Variants in NPAS3 observed in about 807,000 individuals in gnomAD.
NPAS3 encodes neuronal PAS domain protein 3.
In NPAS3, 14 loss-of-function variants were observed where a neutral mutation model predicts 73.1. That is an observed-to-expected ratio of 0.19 (90% CI 0.13 to 0.30). NPAS3 has a LOEUF of 0.30. Ranked by LOEUF, NPAS3 falls within the 10% of genes least tolerant of loss-of-function variation. NPAS3 has a pLI of 1.00. For synonymous variants in NPAS3, 620 were observed against 541.5 expected (o/e 1.14, Z -2.01); for missense variants, 1,096 against 1,250.0 (o/e 0.88, Z 1.86).
chr14:33,188,947 T>G (rs1293411128), intron 2 of NPAS3, among the ~76,000 whole-genome samples: 3 of 152,184 alleles, frequency 2.0e-5, no homozygotes, highest in Non-Finnish European at 4.4e-5. Flanking sequence ...TTTCAGAGAT[T>G]TTGAGACAGA....
chr14:33,021,903 G>A (rs1403297594), intron 1 of NPAS3, among the ~76,000 whole-genome samples: 2 of 152,080 alleles, frequency 1.3e-5, no homozygotes, highest in Middle Eastern at 3.2e-3. Flanking sequence ...ACATGTAAAG[G>A]CTATCCCATA....
chr14:33,632,163 C>T (rs1270029979), intron 5 of NPAS3, among the ~76,000 whole-genome samples: 2 of 152,254 alleles, frequency 1.3e-5, no homozygotes, highest in Non-Finnish European at 2.9e-5. Flanking sequence ...TCTTAAAGAA[C>T]TAGTTGGTGA....
intron 1 of NPAS3, among the ~76,000 whole-genome samples, chr14:32,967,504 A>T (rs1427567604): frequency 6.6e-6 from 1 of 152,190 alleles, no homozygotes; most frequent in African/African-American, 2.4e-5. Context: ...TAGAAAAAAA[A>T]TCTGATTAAA....
intron 3 of NPAS3, among the ~76,000 whole-genome samples, chr14:33,280,200 A>T (rs1378189905): frequency 1.3e-5 from 2 of 151,882 alleles, no homozygotes; most frequent in Non-Finnish European, 2.9e-5. Flanking sequence ...CAGTGTAATT[A>T]TAAACATACC....
At chr14:33,287,448 AAG>A (rs1232845210) in intron 3 of NPAS3, among the ~76,000 whole-genome samples, 1 of 152,098 alleles carries the variant, frequency 6.6e-6, no homozygotes, top group Non-Finnish European at 1.5e-5. Flanking sequence ...GGAAGCGAGA[AAG>A]AGAGACTAAC....
intron 6 of NPAS3, among the ~76,000 whole-genome samples, chr14:33,679,872 C>T (rs2059883509): frequency 3.3e-5 from 5 of 152,134 alleles, no homozygotes; most frequent in Admixed American, 3.3e-4. Flanking sequence ...ACAGCAAACC[C>T]AAATAAATAT....
At chr14:33,573,356 C>A (rs911031384) in intron 5 of NPAS3, among the ~76,000 whole-genome samples, 13 of 152,080 alleles carry the variant, frequency 8.5e-5, no homozygotes, top group African/African-American at 2.9e-4. Flanking sequence ...CTGCAAGATG[C>A]CTTAGACATG....
chr14:33,380,743 G>T (rs192543733), intron 4 of NPAS3, among the ~76,000 whole-genome samples: 26 of 152,200 alleles, frequency 1.7e-4, no homozygotes, highest in Admixed American at 1.6e-3. Flanking sequence ...ACTAATGATT[G>T]GACTGCCCTC....
intron 7 of NPAS3, among the ~76,000 whole-genome samples, chr14:33,758,791 T>C (rs773264469): frequency 1.3e-5 from 2 of 152,240 alleles, no homozygotes; most frequent in African/African-American, 2.4e-5. Flanking sequence ...CTGACATATT[T>C]GGATTGACAG....
intron 2 of NPAS3, among the ~76,000 whole-genome samples, chr14:33,163,245 T>C (rs949264468): frequency 2.0e-5 from 3 of 152,254 alleles, no homozygotes; most frequent in Non-Finnish European, 2.9e-5. Flanking sequence ...AGGTTGTCCA[T>C]TGACGACCCT....
At chr14:33,677,814 TTGTTCAGGTGGGCAAGTGATA>T (rs2059811750) in intron 6 of NPAS3, among the ~76,000 whole-genome samples, 1 of 152,222 alleles carries the variant, frequency 6.6e-6, no homozygotes, top group African/African-American at 2.4e-5. Context: ...GAAAATACTT[TTGTTCAGGTGGGCAAGTGATA>T]TATTCTTATA....
At chr14:33,140,810 G>A (rs1198121989) in intron 2 of NPAS3, among the ~76,000 whole-genome samples, 1 of 152,184 alleles carries the variant, frequency 6.6e-6, no homozygotes, top group Non-Finnish European at 1.5e-5. Flanking sequence ...ATGGGAGGGA[G>A]AAGAAAGGTC....
intron 2 of NPAS3, among the ~76,000 whole-genome samples, chr14:33,109,655 A>T (rs1026070325): frequency 2.0e-5 from 3 of 152,082 alleles, no homozygotes; most frequent in Admixed American, 1.3e-4. Flanking sequence ...TTGTGGTGAG[A>T]GTATAATGAT....
intron 2 of NPAS3, among the ~76,000 whole-genome samples, chr14:33,142,844 G>C (rs569750107): frequency 6.6e-6 from 1 of 152,342 alleles, no homozygotes; most frequent in African/African-American, 2.4e-5. Context: ...GCTCACGCCT[G>C]TAATCCCAAC....
At chr14:33,589,392 T>G (rs571577931) in intron 5 of NPAS3, among the ~76,000 whole-genome samples, 1 of 152,270 alleles carries the variant, frequency 6.6e-6, no homozygotes, top group Admixed American at 6.5e-5. Context: ...AAAAAGCACC[T>G]CCCTTCAGAC....
chr14:33,753,549 G>C (rs941455717), intron 7 of NPAS3, among the ~76,000 whole-genome samples: 4 of 152,134 alleles, frequency 2.6e-5, no homozygotes, highest in African/African-American at 9.7e-5. Context: ...CCAAAGAGGG[G>C]AGGAAAAGAA....
intron 4 of NPAS3, among the ~76,000 whole-genome samples, chr14:33,519,793 C>A (rs755008234): frequency 3.7e-4 from 56 of 152,270 alleles, no homozygotes; most frequent in Admixed American, 1.3e-3. Flanking sequence ...TTTAAAATAA[C>A]AAACACCCAC....
intron 3 of NPAS3, among the ~76,000 whole-genome samples, chr14:33,322,914 C>T (rs1265770937): frequency 2.6e-5 from 4 of 152,156 alleles, no homozygotes; most frequent in Admixed American, 2.0e-4. Flanking sequence ...TAAAAATCAT[C>T]AGAGATTTTT....
At chr14:33,683,211 C>G (rs1370277815) in intron 6 of NPAS3, among the ~76,000 whole-genome samples, 1 of 151,960 alleles carries the variant, frequency 6.6e-6, no homozygotes, top group Non-Finnish European at 1.5e-5. Context: ...AGTAGGTTCT[C>G]TCAGTTTATA....
Sources: gnomAD v4.1 joint callset for allele counts (sites outside exome capture counted in the v4.1 genomes callset) on GRCh38, gnomAD v4.1.1 for gene constraint, MANE v1.5 for transcripts, NCBI Gene and HGNC (gene_info 2026-07-23, HGNC 2026-07-21) for gene names.